The following SPHKAP variants were observed in gnomAD, a reference collection of about 807,000 sequenced individuals.
SPHKAP encodes the protein A-kinase anchor protein SPHKAP.
In SPHKAP, 67 loss-of-function variants were observed where a neutral mutation model predicts 137.5. That is an observed-to-expected ratio of 0.49 (90% CI 0.40 to 0.60). The LOEUF (loss-of-function observed/expected upper bound fraction) is 0.60. Ranked by LOEUF, SPHKAP falls within the 20% of genes least tolerant of loss-of-function variation. SPHKAP has a pLI of 0.00. For synonymous variants in SPHKAP, 813 were observed against 785.3 expected, an observed-to-expected ratio of 1.04 and a Z score of -0.59; for missense variants, 2,097 against 2,069.3, an observed-to-expected ratio of 1.01 and a Z score of -0.26.
chr2:228,104,456 T>C (rs1698279350), intron 3 of SPHKAP, among the ~76,000 whole-genome samples: 1 of 150,398 alleles, frequency 6.6e-6, no homozygotes, highest in Non-Finnish European at 1.5e-5. Flanking sequence ...TGAGTCTAGA[T>C]TCTTCCATAG....
At chr2:228,111,966 T>C (rs1043918631) in intron 2 of SPHKAP, among the ~76,000 whole-genome samples, 3 of 152,182 alleles carry the variant, frequency 2.0e-5, no homozygotes, top group African/African-American at 7.2e-5. Context: ...AATGAAATTC[T>C]GAGGTGACAA....
intron 1 of SPHKAP, among the ~76,000 whole-genome samples, chr2:228,139,668 C>T (rs770403390): frequency 9.3e-4 from 142 of 152,094 alleles, no homozygotes; most frequent in Non-Finnish European, 1.4e-3. Context: ...AGCAAGTGAG[C>T]ATGATAACTT....
chr2:228,019,337 A>G lies in SPHKAP; in HGVS notation c.1517T>C (p.Val506Ala). 1.2e-6 allele frequency: 2 copies of G among 1,614,146 alleles called. No individual in the cohort carries two copies. Among genetic ancestry groups the G allele is most frequent in the Non-Finnish European group, 1.7e-6 (2 of 1,180,028 alleles). ...LEVALACAAT[V>A]IGTISSPQAT... is the part of the protein sequence containing the mutation. ...CTGTGGACTGGAAATAGTTCCAATC[A>G]CAGTGGCTGCACAAGCTAACGCCAC... is the stretch of plus-strand genomic sequence containing the variant. Residue 506 changes from valine (V) to alanine (A), a missense_variant, in exon 7 of 12, where the codon GTG becomes GCG. Transcript: ENST00000392056.
chr2:228,018,339 C>T lies in SPHKAP; in HGVS notation c.2515G>A (p.Ala839Thr), dbSNP rs1458604357. 6.2e-7 allele frequency: 1 copy of T among 1,614,194 alleles called. No homozygotes were observed. Among genetic ancestry groups the T allele is most frequent in the East Asian group, 2.2e-5 (1 of 44,878 alleles). ...TGAGGGCTTTTTGTATCCTCTCCTG[C>T]TATTCCTTTCAGATATATTTCCTTG... Reference protein sequence around the residue: ...SSKEIYLKGIAGEDTKSPHHS... With the variant: ...SSKEIYLKGITGEDTKSPHHS... The change falls in exon 7 of 12, where the codon GCA (alanine) becomes ACA (threonine). Residue 839 changes from alanine to threonine, a missense_variant. Transcript: ENST00000392056.
At chr2:227,990,893 C>T in intron 11 of SPHKAP, 107 bp downstream of exon 11, 1 of 1,137,590 alleles carries the variant, frequency 8.8e-7, no homozygotes, top group Non-Finnish European at 1.3e-6. Context: ...CAAGAACAGT[C>T]AGGATCAAAT....
At chr2:227,984,746 G>C (rs980308458) in intron 11 of SPHKAP, among the ~76,000 whole-genome samples, 8 of 152,158 alleles carry the variant, frequency 5.3e-5, no homozygotes, top group African/African-American at 1.9e-4. Context: ...TGGTGCAGAA[G>C]GCCTGGACAT....
At chr2:227,989,206 G>T (rs899865284) in intron 11 of SPHKAP, among the ~76,000 whole-genome samples, 2 of 152,132 alleles carry the variant, frequency 1.3e-5, no homozygotes, top group South Asian at 4.1e-4. Context: ...TAAGCCCAAG[G>T]TCATTTAACT....
At chr2:228,052,232 C>T (rs1696282314) in intron 3 of SPHKAP, among the ~76,000 whole-genome samples, 1 of 151,468 alleles carries the variant, frequency 6.6e-6, no homozygotes, top group Non-Finnish European at 1.5e-5. Flanking sequence ...AAGCCCAATT[C>T]AAGAAATCCA....
intron 2 of SPHKAP, among the ~76,000 whole-genome samples, chr2:228,122,189 C>T (rs1347413291): frequency 6.6e-6 from 1 of 152,094 alleles, no homozygotes; most frequent in Non-Finnish European, 1.5e-5. Flanking sequence ...CACAGGAATT[C>T]AGAAAAACAG....
At chr2:228,160,691 A>G (rs1179871692) in intron 1 of SPHKAP, among the ~76,000 whole-genome samples, 2 of 152,222 alleles carry the variant, frequency 1.3e-5, no homozygotes, top group Non-Finnish European at 2.9e-5. Flanking sequence ...AAATCATATC[A>G]CCAATCAAAG....
Position 228,019,352 on chromosome 2 carries a change from G to T in SPHKAP, c.1502C>A (p.Ala501Asp), listed in dbSNP as rs865967990. ...QPQSALEVALACAATVIGTIS... is the reference protein window; with the variant it reads ...QPQSALEVALDCAATVIGTIS... Reference sequence around the variant, plus strand: ...AGTTCCAATCACAGTGGCTGCACAAGCTAACGCCACTTCTAGAGCACTCTG... The same window carrying T: ...AGTTCCAATCACAGTGGCTGCACAATCTAACGCCACTTCTAGAGCACTCTG... Residue 501 changes from alanine to aspartate, a missense_variant, in exon 7 of 12, where the codon GCT becomes GAT. Physicochemically the swap from Ala to Asp is moderately radical, Grantham distance 126. Coordinates refer to ENST00000392056, the MANE Select transcript of SPHKAP (RefSeq NM_001142644.2). The T allele has an allele frequency of 1.2e-6, 2 of 1,614,064 alleles. No homozygotes were observed.
chr2:228,012,309 G>C (rs569807254), intron 7 of SPHKAP, among the ~76,000 whole-genome samples: 5 of 151,680 alleles, frequency 3.3e-5, no homozygotes, highest in Admixed American at 6.6e-5. Flanking sequence ...AAAAAGATCA[G>C]CTTCATACCT....
At chr2:228,040,989 CA>C (rs1226816048) in intron 3 of SPHKAP, among the ~76,000 whole-genome samples, 1 of 152,126 alleles carries the variant, frequency 6.6e-6, no homozygotes, top group Non-Finnish European at 1.5e-5. Flanking sequence ...ACTAAAGAAT[CA>C]GTAGAAAAAT....
At chr2:228,093,331 C>T (rs1697866122) in intron 3 of SPHKAP, among the ~76,000 whole-genome samples, 3 of 152,026 alleles carry the variant, frequency 2.0e-5, no homozygotes. Context: ...AACTTGTATG[C>T]AAATGTTTAT....
At chr2:228,023,424 A>G (rs1368204262) in intron 5 of SPHKAP, among the ~76,000 whole-genome samples, 1 of 152,184 alleles carries the variant, frequency 6.6e-6, no homozygotes, top group Non-Finnish European at 1.5e-5. Context: ...TGCATTTCCA[A>G]TGAATCTGTT....
intron 1 of SPHKAP, among the ~76,000 whole-genome samples, chr2:228,164,498 G>A (rs965992261): frequency 1.3e-5 from 2 of 152,192 alleles, no homozygotes; most frequent in African/African-American, 4.8e-5. Flanking sequence ...AGTTTCAACA[G>A]TGATTATTAC....
At chr2:228,047,548 G>A (rs1696111672) in intron 3 of SPHKAP, among the ~76,000 whole-genome samples, 1 of 151,686 alleles carries the variant, frequency 6.6e-6, no homozygotes, top group South Asian at 2.1e-4. Flanking sequence ...GATAAGTTAA[G>A]CAAAACATGC....
Position 227,981,398 on chromosome 2 carries a change from C to T in SPHKAP, c.*319G>A. ...TTACAAATCATTTTATATGATTAAA[C>T]TTATGTGAGTGTTGTTTTCCTGGAG... On this transcript the variant is annotated 3_prime_UTR_variant, in exon 12 of 12. Coordinates refer to ENST00000392056, the MANE Select transcript of SPHKAP (RefSeq NM_001142644.2). 5.2e-6 allele frequency: 1 copy of T among 193,146 alleles called. No homozygotes were observed. The highest frequency in any genetic ancestry group is 1.0e-5 in the Non-Finnish European group (1 of 95,716). 12.0% of individuals were successfully genotyped at this position (193,146 alleles called of 1,614,324 possible).
chr2:227,998,901 C>T (rs543917943), intron 7 of SPHKAP, among the ~76,000 whole-genome samples: 103 of 152,306 alleles, frequency 6.8e-4, no homozygotes, highest in African/African-American at 2.4e-3. Context: ...AGCTCTCCCT[C>T]TCAGAGTCTG....
Sources: gnomAD v4.1 joint callset for allele counts (sites outside exome capture counted in the v4.1 genomes callset) on GRCh38, gnomAD v4.1.1 for gene constraint, MANE v1.5 for transcripts, NCBI Gene and HGNC (gene_info 2026-07-23, HGNC 2026-07-21) for gene names.